SIN3B: variants seen among roughly 807,000 people sequenced by gnomAD.
SIN3B encodes the protein SIN3 transcription regulator family member B.
SIN3B carries 19 observed loss-of-function variants against 120.2 expected under a neutral mutation model. The observed-to-expected ratio is 0.16, with a 90% CI of 0.11 to 0.23. The LOEUF (loss-of-function observed/expected upper bound fraction) is 0.23, where lower values mean the gene tolerates loss of function less well. Among genes scored for constraint, SIN3B ranks in the 10% least tolerant of loss-of-function variants. The probability of loss-of-function intolerance (pLI) is 1.00; values close to 1 mark genes in which losing one functional copy is unlikely to be tolerated. For missense variants in SIN3B, 1,073 were observed against 1,573.0 expected, an observed-to-expected ratio of 0.68 and a Z score of 5.38; for synonymous variants, 654 against 653.2, an observed-to-expected ratio of 1.00 and a Z score of -0.02.
At chr19:16,847,192 G>T in intron 5 of SIN3B, 79 bp downstream of exon 5, 1 of 1,515,626 alleles carries the variant, frequency 6.6e-7, no homozygotes, top group Non-Finnish European at 9.0e-7. Context: ...CCCATGTCCG[G>T]GCCAAGCCTA....
chr19:16,865,691 C>T (rs1427577815), intron 11 of SIN3B, 43 bp downstream of exon 11: 1 of 1,294,768 alleles, frequency 7.7e-7, no homozygotes, highest in African/African-American at 1.5e-5. Flanking sequence ...TCCCCTTCCC[C>T]CTTCCCTCCC....
At chr19:16,865,314 C>CG (rs1193402606) in intron 10 of SIN3B, 96 bp from the exon 11 acceptor site, 8 of 550,420 alleles carry the variant, frequency 1.5e-5, no homozygotes, top group East Asian at 1.0e-4. Flanking sequence ...ACACCCCCCC[C>CG]CCAAAAAAAT....
At position 16,847,086 on chromosome 19, in the gene SIN3B, G is replaced by C. The variant is rs760970783; in HGVS notation, c.699G>C (p.Gln233His). ...GQEDLLSEFG[Q>H]FLPEAKRSLF... ...AGGACCTGCTCTCAGAGTTTGGACAGTTCCTGCCCGAAGCCAAGCGGTCTC... is the reference window on the plus strand; with the variant it reads ...AGGACCTGCTCTCAGAGTTTGGACACTTCCTGCCCGAAGCCAAGCGGTCTC... The change falls in exon 5 of 19, where the codon CAG (glutamine) becomes CAC (histidine). Residue 233 changes from glutamine to histidine, a missense_variant. Gln to His is a conservative substitution (Grantham distance 24, BLOSUM62 0). Transcript: ENST00000248054. 6 of 1,613,406 alleles carry C rather than the reference G, an allele frequency of 3.7e-6. No individual in the cohort carries two copies. The highest frequency in any genetic ancestry group is 5.1e-6 in the Non-Finnish European group (6 of 1,179,372).
chr19:16,868,185 GGA>G (rs1463059848), intron 12 of SIN3B, among the ~76,000 whole-genome samples: 4 of 152,294 alleles, frequency 2.6e-5, no homozygotes, highest in African/African-American at 9.6e-5. Context: ...GAGACCTGGG[GGA>G]CTTAGGAAGC....
intron 7 of SIN3B, among the ~76,000 whole-genome samples, chr19:16,853,790 C>T (rs1030269688): frequency 4.1e-5 from 6 of 146,920 alleles, no homozygotes; most frequent in African/African-American, 7.6e-5. Context: ...TTGCACGGAT[C>T]GCATGCACAA....
chr19:16,842,292 A>T (rs1328370709), intron 4 of SIN3B, among the ~76,000 whole-genome samples: 1 of 151,788 alleles, frequency 6.6e-6, no homozygotes, highest in East Asian at 2.0e-4. Flanking sequence ...TTGTAGAGAC[A>T]GGGTTTTGCC....
chr19:16,859,141 A>T (rs1343326220), intron 8 of SIN3B, among the ~76,000 whole-genome samples: 2 of 151,958 alleles, frequency 1.3e-5, no homozygotes, highest in Non-Finnish European at 2.9e-5. Context: ...CAGAGTGAGA[A>T]CCTGTCTCAA....
At chr19:16,861,390 G>C (rs1217996496) in intron 8 of SIN3B, among the ~76,000 whole-genome samples, 1 of 152,228 alleles carries the variant, frequency 6.6e-6, no homozygotes, top group African/African-American at 2.4e-5. Flanking sequence ...ACTTTGGGAG[G>C]TTGAGGTGAA....
At chr19:16,865,891 A>G (rs2039648557) in intron 11 of SIN3B, among the ~76,000 whole-genome samples, 1 of 152,198 alleles carries the variant, frequency 6.6e-6, no homozygotes, top group East Asian at 1.9e-4. Context: ...TAATACATCT[A>G]GACATCTAAA....
In SIN3B at chr19:16,876,528, G is replaced by A. The variant is rs781215770; in HGVS notation, c.2809G>A (p.Glu937Lys). The A allele has an allele frequency of 3.7e-6, 6 of 1,613,470 alleles. No homozygotes were observed. Among genetic ancestry groups the A allele is most frequent in the African/African-American group, 1.3e-5 (1 of 75,046 alleles). Residue 937 changes from glutamate to lysine, a missense_variant, in exon 16 of 19, where the codon GAG becomes AAG. Glu to Lys is a moderately conservative substitution (Grantham distance 56). Transcript: ENST00000248054. This position sits in a 1 kb window ranked among gnomAD's most constrained non-coding sequence, Gnocchi z 7.1. ...QRKGQVIMTI[E>K]LLDTEEAQTE... is the part of the protein sequence containing the mutation. ...CAAAGGGCAGGTGATCATGACCATC[G>A]AGCTCCTGGACACCGAGGAGGCCCA...
intron 1 of SIN3B, 39 bp from the exon 2 acceptor site, chr19:16,829,752 C>T (rs778615870): frequency 1.3e-6 from 2 of 1,551,404 alleles, no homozygotes; most frequent in South Asian, 1.1e-5. Context: ...CCCCTCGTTC[C>T]GCGGCCAGGG....
intron 5 of SIN3B, among the ~76,000 whole-genome samples, chr19:16,848,203 G>A (rs1159959486): frequency 2.0e-5 from 3 of 152,160 alleles, no homozygotes; most frequent in African/African-American, 4.8e-5. Flanking sequence ...GAACAGTGCC[G>A]CCATCAACAT....
chr19:16,845,659 A>G (rs1971469672), intron 4 of SIN3B, among the ~76,000 whole-genome samples: 2 of 152,224 alleles, frequency 1.3e-5, no homozygotes, highest in Non-Finnish European at 2.9e-5. Context: ...ATGAGCAGAG[A>G]TGGCTGTGGC....
intron 8 of SIN3B, 78 bp downstream of exon 8, chr19:16,854,339 T>C: frequency 1.2e-6 from 1 of 824,578 alleles, no homozygotes. Flanking sequence ...TTAGTTACTG[T>C]TTTTGAGCAA....
intron 4 of SIN3B, among the ~76,000 whole-genome samples, chr19:16,845,638 T>C (rs1191744180): frequency 3.3e-5 from 5 of 152,250 alleles, no homozygotes; most frequent in African/African-American, 1.2e-4. Flanking sequence ...CTCTTCTGTC[T>C]GTGTAGTCAG....
intron 17 of SIN3B, 68 bp from the exon 18 acceptor site, chr19:16,878,115 C>T (rs2051634568): frequency 2.2e-6 from 3 of 1,360,428 alleles, no homozygotes; most frequent in Non-Finnish European, 3.0e-6. Flanking sequence ...CTGGGGGTTT[C>T]CCAGCCTGCA....
chr19:16,841,660 T>C, intron 3 of SIN3B, 108 bp from the exon 4 acceptor site: 1 of 1,050,630 alleles, frequency 9.5e-7, no homozygotes, highest in Non-Finnish European at 1.5e-6. Context: ...ACAGCTTGGC[T>C]CCGTGCTGAG....
In SIN3B at chr19:16,869,938, G is replaced by C. The variant is rs2051486243; in HGVS notation, c.2285G>C (p.Arg762Thr). The change falls in exon 13 of 19, where the codon AGG (arginine) becomes ACG (threonine). Residue 762 changes from arginine (R) to threonine (T), a missense_variant. Physicochemically the swap from Arg to Thr is moderately conservative, Grantham distance 71 (BLOSUM62 -1). Coordinates refer to ENST00000248054, the MANE Select transcript of SIN3B (RefSeq NM_001297595.2). ...CGCCTGCACCAGACCCTGTGCTCCAGGCTGCTGAAGATCTACCGCCAGGCG... is the reference window on the plus strand; with the variant it reads ...CGCCTGCACCAGACCCTGTGCTCCACGCTGCTGAAGATCTACCGCCAGGCG... Reference protein sequence around the residue: ...FLRLHQTLCSRLLKIYRQAQK... With the variant: ...FLRLHQTLCSTLLKIYRQAQK... The C allele has an allele frequency of 1.2e-6, 2 of 1,614,122 alleles. No individual in the cohort carries two copies. Among genetic ancestry groups the C allele is most frequent in the Non-Finnish European group, 1.7e-6 (2 of 1,180,046 alleles).
chr19:16,863,910 GCAGCACATTC>G, intron 10 of SIN3B, 114 bp downstream of exon 10: 1 of 729,482 alleles, frequency 1.4e-6, no homozygotes, highest in Non-Finnish European at 2.3e-6. Context: ...AGCAGGAATT[GCAGCACATTC>G]CAACAGCTCC....
Sources: gnomAD v4.1 joint callset for allele counts (sites outside exome capture counted in the v4.1 genomes callset) on GRCh38, gnomAD v4.1.1 for gene constraint, Gnocchi (gnomAD v3.1) non-coding constraint, MANE v1.5 for transcripts, NCBI Gene and HGNC (gene_info 2026-07-23, HGNC 2026-07-21) for gene names.